The following GTF2A1L variants were observed in gnomAD, a reference collection of about 807,000 sequenced individuals.
GTF2A1L encodes general transcription factor IIA subunit 1 like.
GTF2A1L carries 48 observed loss-of-function variants against 49.7 expected under a neutral mutation model. The ratio of observed to expected loss-of-function variants is 0.97; its 90% CI spans 0.77 to 1.23. GTF2A1L has a LOEUF of 1.23. Among genes scored for constraint, GTF2A1L ranks in the 50% most tolerant of loss-of-function variants. GTF2A1L has a pLI of 0.00. For missense variants in GTF2A1L, 736 were observed against 564.8 expected (o/e 1.30, Z -3.07); for synonymous variants, 246 against 193.5 (o/e 1.27, Z -2.25).
Position 48,627,451 on chromosome 2 carries a change from T to C in GTF2A1L, c.247+6161T>C. 1.4e-5 allele frequency among the ~76,000 whole-genome samples: 2 copies of C among 144,272 alleles called. 1 individual carries two copies. Among genetic ancestry groups the C allele is most frequent in the Non-Finnish European group, 3.1e-5 (2 of 64,054 alleles). 94.6% of individuals were successfully genotyped at this position (144,272 alleles called of 152,430 possible). On this transcript the variant is annotated intron_variant, in intron 3 of 8. Coordinates refer to ENST00000403751, the MANE Select transcript of GTF2A1L (RefSeq NM_006872.5). ...CATACAGTTGAAACGTTGTTCATTA[T>C]ACAAGTTTAAAAAAATCATATTCAT...
At chr2:48,645,863 G>A (rs1025301139) in intron 5 of GTF2A1L, among the ~76,000 whole-genome samples, 6 of 151,782 alleles carry the variant, frequency 4.0e-5, no homozygotes, top group Admixed American at 3.9e-4. Context: ...TTAGCCAGGA[G>A]GGTCTTGATC....
intron 6 of GTF2A1L, among the ~76,000 whole-genome samples, chr2:48,649,803 A>G (rs888083452): frequency 2.6e-5 from 4 of 152,162 alleles, no homozygotes; most frequent in South Asian, 2.1e-4. Flanking sequence ...TATACAAAGC[A>G]TATTACGCGT....
intron 3 of GTF2A1L, among the ~76,000 whole-genome samples, chr2:48,640,690 ATAAAAGT>A (rs1434522519): frequency 6.6e-6 from 1 of 152,196 alleles, no homozygotes; most frequent in Non-Finnish European, 1.5e-5. Flanking sequence ...TGAACTTAAA[ATAAAAGT>A]TAAAAAATTT....
At chr2:48,656,910 A>G (rs955004854) in intron 6 of GTF2A1L, among the ~76,000 whole-genome samples, 5 of 152,020 alleles carry the variant, frequency 3.3e-5, no homozygotes, top group African/African-American at 1.2e-4. Flanking sequence ...ATTATTTTCA[A>G]TGTGGTGCTA....
At chr2:48,662,403 C>G (rs182051908) in intron 6 of GTF2A1L, among the ~76,000 whole-genome samples, 376 of 152,240 alleles carry the variant, frequency 2.5e-3, no homozygotes, top group Non-Finnish European at 3.6e-3. Context: ...TTCATTTTAA[C>G]TTAAAGGACT....
Position 48,668,109 on chromosome 2 carries a change from C to T in GTF2A1L, c.979-1613C>T, listed in dbSNP as rs137975304. ...TTTACTGTCTGTTTTTATGAATTTG[C>T]CTGTTCTAGGTACCTCATATAAGTG... On this transcript the variant is annotated intron_variant, in intron 6 of 8. Transcript: ENST00000403751. Among the ~76,000 whole-genome samples, 416 of 152,176 alleles carry T rather than the reference C, an allele frequency of 2.7e-3. 6 individuals carry two copies. Among genetic ancestry groups the T allele is most frequent in the African/African-American group, 9.8e-3 (405 of 41,524 alleles).
At chr2:48,634,884 G>T (rs1337186222) in intron 3 of GTF2A1L, among the ~76,000 whole-genome samples, 2 of 152,108 alleles carry the variant, frequency 1.3e-5, no homozygotes, top group Non-Finnish European at 2.9e-5. Context: ...ATGAAGAGTG[G>T]GGCCAGATTG....
At chr2:48,675,016 G>C (rs1679388802) in intron 8 of GTF2A1L, among the ~76,000 whole-genome samples, 1 of 152,094 alleles carries the variant, frequency 6.6e-6, no homozygotes, top group Admixed American at 6.5e-5. Flanking sequence ...GGTCAAAGTG[G>C]GGTGAGGAAC....
At chr2:48,627,826 G>A (rs1473695492) in intron 3 of GTF2A1L, among the ~76,000 whole-genome samples, 1 of 143,448 alleles carries the variant, frequency 7.0e-6, no homozygotes, top group African/African-American at 2.5e-5. Context: ...GTACCCCCAG[G>A]TACTGAGCAT....
At chr2:48,667,924 T>A (rs1254072697) in intron 6 of GTF2A1L, among the ~76,000 whole-genome samples, 4 of 152,178 alleles carry the variant, frequency 2.6e-5, no homozygotes, top group Admixed American at 2.6e-4. Context: ...GAAATATGAA[T>A]AAAGGGCATC....
chr2:48,675,599 A>G (rs190003001), intron 8 of GTF2A1L, among the ~76,000 whole-genome samples: 7 of 152,162 alleles, frequency 4.6e-5, no homozygotes, highest in Non-Finnish European at 7.4e-5. Flanking sequence ...AAGGATTTAA[A>G]TAATAAAGAT....
chr2:48,656,175 T>A (rs1023650422), intron 6 of GTF2A1L, among the ~76,000 whole-genome samples: 2 of 152,092 alleles, frequency 1.3e-5, no homozygotes, highest in Admixed American at 1.3e-4. Context: ...TTCCTGTCTT[T>A]AATTTTTTCG....
chr2:48,677,946 G>A lies in GTF2A1L; in HGVS notation c.1330-1389G>A, dbSNP rs567279912. Among the ~76,000 whole-genome samples the A allele has an allele frequency of 3.3e-5, 5 of 151,298 alleles. No homozygotes were observed. The East Asian group carries it at 9.7e-4, about 29-fold the overall frequency. On this transcript the variant is annotated intron_variant, in intron 8 of 8. Transcript: ENST00000403751. Reference sequence around the variant, plus strand: ...AAGATTGTGAGGTTTGGGGAAGACAGTATAAGTGTCATAGTTGTAAACTCT... The same window carrying A: ...AAGATTGTGAGGTTTGGGGAAGACAATATAAGTGTCATAGTTGTAAACTCT...
At chr2:48,646,392 G>A (rs1448075333) in intron 5 of GTF2A1L, 61 bp from the exon 6 acceptor site, 11 of 1,320,714 alleles carry the variant, frequency 8.3e-6, no homozygotes, top group Middle Eastern at 2.1e-4. Flanking sequence ...TTTTTTTGTG[G>A]TGGTTGTCAA....
At chr2:48,628,186 T>TG (rs1411264745) in intron 3 of GTF2A1L, among the ~76,000 whole-genome samples, 7 of 144,000 alleles carry the variant, frequency 4.9e-5, no homozygotes, top group African/African-American at 1.7e-4. Context: ...GTGATGAACA[T>TG]GGGAGTGCAT....
chr2:48,632,282 G>C (rs1452271267), intron 3 of GTF2A1L: 1 of 152,014 alleles, frequency 6.6e-6, no homozygotes, highest in South Asian at 2.1e-4. Flanking sequence ...AACCTCTCCA[G>C]GAATACTATA....
chr2:48,622,267 G>C (rs984318053), intron 3 of GTF2A1L, among the ~76,000 whole-genome samples: 1 of 152,186 alleles, frequency 6.6e-6, no homozygotes, highest in Non-Finnish European at 1.5e-5. Context: ...AATGAATGTT[G>C]AATTAGCAAA....
At position 48,621,283 on chromosome 2, in the gene GTF2A1L, G is replaced by T. The variant is rs763645144; in HGVS notation, c.240G>T (p.Ser80=). The change falls in exon 3 of 9, where the codon TCG becomes TCT. Residue 80 remains serine, a synonymous_variant. Coordinates refer to ENST00000403751, the MANE Select transcript of GTF2A1L (RefSeq NM_006872.5). The part of the protein sequence containing the change: ...LPHSLHQTLQ[S]STASLVIPAG... The stretch of plus-strand genomic sequence containing the variant: ...ACAGCTTGCACCAAACATTGCAATC[G>T]TCAACAGGTTGGATACCATTAGTAA... The T allele has an allele frequency of 6.2e-7, 1 of 1,613,928 alleles. No individual in the cohort carries two copies. The highest frequency in any genetic ancestry group is 1.1e-5 in the South Asian group (1 of 91,064).
At chr2:48,678,044 TA>T (rs1169525359) in intron 8 of GTF2A1L, among the ~76,000 whole-genome samples, 1 of 151,538 alleles carries the variant, frequency 6.6e-6, no homozygotes, top group African/African-American at 2.4e-5. Flanking sequence ...TCTGGAGTTT[TA>T]AAAAATCTAA....
Sources: allele counts gnomAD v4.1 joint callset (sites outside exome capture counted in the v4.1 genomes callset), GRCh38; gene constraint gnomAD v4.1.1; transcripts MANE v1.5; gene names NCBI Gene and HGNC (gene_info 2026-07-23, HGNC 2026-07-21).